The following PLXNA3 variants were observed in gnomAD, a reference collection of about 807,000 sequenced individuals.
PLXNA3 encodes plexin A3.
Under a neutral mutation model 118.8 loss-of-function variants are expected in PLXNA3, and 52 were observed. That is an observed-to-expected ratio of 0.44 (90% CI 0.35 to 0.55). The LOEUF (loss-of-function observed/expected upper bound fraction) is 0.55, where lower values mean the gene tolerates loss of function less well. Ranked by LOEUF, PLXNA3 falls within the 20% of genes least tolerant of loss-of-function variation. The probability of loss-of-function intolerance (pLI) is 0.01; values close to 1 mark genes in which losing one functional copy is unlikely to be tolerated. For synonymous variants in PLXNA3, 925 were observed against 762.4 expected, an observed-to-expected ratio of 1.21 and a Z score of -3.51; for missense variants, 1,660 against 1,730.8, an observed-to-expected ratio of 0.96 and a Z score of 0.73.
In PLXNA3 at chrX:154,461,502, G is replaced by A. The variant is rs200060299; in HGVS notation, c.998G>A (p.Arg333Gln). 1.5e-4 allele frequency: 179 copies of A among 1,210,670 alleles called. No individual in the cohort carries two copies. The highest frequency in any genetic ancestry group is 1.9e-4 in the African/African-American group (11 of 57,556). Residue 333 changes from arginine (R) to glutamine (Q), a missense_variant, in exon 3 of 33, where the codon CGG becomes CAG. Arg to Gln is a conservative substitution (Grantham distance 43). This residue lies in a region of PLXNA3 where 791 missense variants were observed against 652.1 expected (regional missense o/e 1.21). Coordinates refer to ENST00000369682, the MANE Select transcript of PLXNA3 (RefSeq NM_017514.5). ...QGQKNRASPP[R>Q]QTILCLFTLS... ...CAGAAGAACCGGGCCAGCCCACCCC[G>A]GCAGACCATCCTCTGCCTCTTCACC...
In PLXNA3 at chrX:154,469,441, G is replaced by C. The variant is rs200342725; in HGVS notation, c.4657G>C (p.Glu1553Gln). 1.0e-4 allele frequency: 121 copies of C among 1,207,990 alleles called. No homozygotes were observed. The highest frequency in any genetic ancestry group is 1.3e-4 in the Non-Finnish European group (118 of 893,444). ...GGATGAGGATGTCACCACCAAGATC[G>C]AGTGTGACTGGAAGAGGCTCAACTC... is the stretch of plus-strand genomic sequence containing the variant. ...LQDEDVTTKI[E>Q]CDWKRLNSLA... is the part of the protein sequence containing the mutation. Residue 1553 changes from glutamate (E) to glutamine (Q), a missense_variant, in exon 27 of 33, where the codon GAG becomes CAG. Transcript: ENST00000369682.
chrX:154,460,091 G>A (rs1385239470), intron 1 of PLXNA3, 66 bp from the exon 2 acceptor site: 1 of 594,007 alleles, frequency 1.7e-6, no homozygotes, highest in Non-Finnish European at 2.7e-6. Context: ...TTGGCGGGGT[G>A]GTGGGTGAAT....
At chrX:154,469,535 G>T (rs1373014687) in intron 27 of PLXNA3, 53 bp downstream of exon 27, 7 of 1,036,786 alleles carry the variant, frequency 6.8e-6, no homozygotes, top group African/African-American at 1.8e-5. Flanking sequence ...CCAGGACCCT[G>T]CCTTGAGCTG....
At position 154,460,426 on chromosome X, in the gene PLXNA3, C is replaced by G; in HGVS notation, c.243C>G (p.Pro81=). 5 of 1,203,414 alleles carry G rather than the reference C, an allele frequency of 4.2e-6. No homozygotes were observed. The highest frequency in any genetic ancestry group is 3.6e-5 in the South Asian group (2 of 55,980). ...VEDNARCYPP[P]SMRVCAHRLA... ...ACAACGCTCGCTGCTACCCGCCCCC[C>G]AGCATGCGCGTGTGTGCCCACCGCC... The change falls in exon 2 of 33, where the codon CCC becomes CCG. Residue 81 remains proline (P), a synonymous_variant. Coordinates refer to ENST00000369682, the MANE Select transcript of PLXNA3 (RefSeq NM_017514.5).
At chrX:154,463,235 C>T (rs1286287570) in intron 4 of PLXNA3, among the ~76,000 whole-genome samples, 156 bp from the exon 5 acceptor site, 3 of 110,641 alleles carry the variant, frequency 2.7e-5, no homozygotes, top group African/African-American at 9.9e-5. Flanking sequence ...GGCGTCTGCA[C>T]CCTCCTTTTT....
Position 154,464,743 on chromosome X carries a change from T to C in PLXNA3, c.1929-11T>C, listed in dbSNP as rs1557206340. The C allele has an allele frequency of 4.5e-6, 5 of 1,113,222 alleles. No individual in the cohort carries two copies. The highest frequency in any genetic ancestry group is 2.0e-5 in the South Asian group (1 of 49,152). 91.7% of individuals were successfully genotyped at this position (1,113,222 alleles called of 1,213,427 possible). A position where few individuals can be genotyped will look rare whatever the true frequency, so the allele number is the denominator to read the frequency against. On this transcript the variant is annotated splice_polypyrimidine_tract_variant and intron_variant, in intron 9 of 32. Coordinates refer to ENST00000369682, the MANE Select transcript of PLXNA3 (RefSeq NM_017514.5). ...CCTCCTCTGTTATTTCTGAAGCCACTTCCCCCCCAGGTGCATGTCCTGTGT... is the reference window on the plus strand; with the variant it reads ...CCTCCTCTGTTATTTCTGAAGCCACCTCCCCCCCAGGTGCATGTCCTGTGT...
chrX:154,466,781 G>A lies in PLXNA3; in HGVS notation c.3095G>A (p.Trp1032Ter). The A allele has an allele frequency of 8.5e-7, 1 of 1,183,308 alleles. No homozygotes were observed. The highest frequency in any genetic ancestry group is 1.1e-6 in the Non-Finnish European group (1 of 880,785). ...DPTVTRLEPTWSIINGSTAIT... is the reference protein window; with the variant it reads ...DPTVTRLEPT ...ACCGTCACCCGCCTTGAGCCCACCTGGAGCATCATCAAGTAAGACCCTGGG... is the reference window on the plus strand; with the variant it reads ...ACCGTCACCCGCCTTGAGCCCACCTAGAGCATCATCAAGTAAGACCCTGGG... The change falls in exon 17 of 33, where the codon TGG becomes TAG. Residue 1032 changes from tryptophan (W) to a stop codon, truncating the protein, a stop_gained. Transcript: ENST00000369682. LOFTEE classifies it high-confidence loss of function.
At chrX:154,464,358 TC>T (rs1569554398) in intron 8 of PLXNA3, 43 bp from the exon 9 acceptor site, 1 of 1,201,407 alleles carries the variant, frequency 8.3e-7, no homozygotes, top group Non-Finnish European at 1.1e-6. Context: ...GTGGGGCCTC[TC>T]CCTACCCCCA....
In PLXNA3 at chrX:154,464,237, G is replaced by A. The variant is rs140476523; in HGVS notation, c.1752G>A (p.Ala584=). The A allele has an allele frequency of 3.1e-5, 37 of 1,207,193 alleles. No homozygotes were observed. Among genetic ancestry groups the A allele is most frequent in the South Asian group, 2.5e-4 (14 of 56,669 alleles). Residue 584 remains alanine (A), a synonymous_variant, in exon 8 of 33, where the codon GCG becomes GCA. Coordinates refer to ENST00000369682, the MANE Select transcript of PLXNA3 (RefSeq NM_017514.5). Reference sequence around the variant, plus strand: ...TCGAGGCGGCGGCGGAGAACGAGGCGGTCCTGCTGCCCTCCGGTGAACTGC... The same window carrying A: ...TCGAGGCGGCGGCGGAGAACGAGGCAGTCCTGCTGCCCTCCGGTGAACTGC... The part of the protein sequence containing the change: ...CAFEAAAENE[A]VLLPSGELLC...
chrX:154,471,516 T>A lies in PLXNA3; in HGVS notation c.5398T>A (p.Ser1800Thr), dbSNP rs994038059. The A allele has an allele frequency of 1.1e-5, 13 of 1,206,490 alleles. No homozygotes were observed. The highest frequency in any genetic ancestry group is 1.3e-5 in the Non-Finnish European group (12 of 891,559). ...TTATCGAGACATTGCAAAGATGGCA[T>A]CCATCAGCGACCAGGACATGGATGC... is the stretch of plus-strand genomic sequence containing the variant. ...RYYRDIAKMA[S>T]ISDQDMDAYL... Residue 1800 changes from serine (S) to threonine (T), a missense_variant, in exon 32 of 33, where the codon TCC (serine) becomes ACC (threonine). Ser to Thr is a moderately conservative substitution (Grantham distance 58). This residue lies in a region of PLXNA3 where 869 missense variants were observed against 1,078.7 expected (regional missense o/e 0.81). Coordinates refer to ENST00000369682, the MANE Select transcript of PLXNA3 (RefSeq NM_017514.5).
chrX:154,464,659 C>T, intron 9 of PLXNA3, 95 bp from the exon 10 acceptor site: 8 of 715,438 alleles, frequency 1.1e-5, no homozygotes, highest in Non-Finnish European at 1.7e-5. Context: ...CCTGATATGG[C>T]TGCCTTCTTC....
rs781927483 is a variant in PLXNA3 at position 154,467,165 on chromosome X, C to T, written c.3201+15C>T. On this transcript the variant is annotated intron_variant, in intron 18 of 32. Coordinates refer to ENST00000369682, the MANE Select transcript of PLXNA3 (RefSeq NM_017514.5). ...AGACCACCAATGTGAGTACCAGCTGCCCCGCCCCACCCCGACCCTGCAGCC... is the reference window on the plus strand; with the variant it reads ...AGACCACCAATGTGAGTACCAGCTGTCCCGCCCCACCCCGACCCTGCAGCC... The T allele has an allele frequency of 2.5e-6, 3 of 1,204,615 alleles. No homozygotes were observed. Among genetic ancestry groups the T allele is most frequent in the Non-Finnish European group, 3.4e-6 (3 of 890,901 alleles).
rs782243920 is a variant in PLXNA3, at chrX:154,465,042, G to A, written c.2068G>A (p.Gly690Arg). 1.7e-6 allele frequency: 2 copies of A among 1,207,731 alleles called. No individual in the cohort carries two copies. The highest frequency in any genetic ancestry group is 3.5e-5 in the South Asian group (2 of 56,385). ...GGGCTGCCCTGAGATCCTGCCCAGT[G>A]GGGACCTCCTGATCCCCGTTGGGGT... ...PEGCPEILPS[G>R]DLLIPVGVMQ... Residue 690 changes from glycine (G) to arginine (R), a missense_variant, in exon 11 of 33, where the codon GGG (glycine) becomes AGG (arginine). Transcript: ENST00000369682.
At chrX:154,460,048 C>T in intron 1 of PLXNA3, 109 bp from the exon 2 acceptor site, 1 of 467,101 alleles carries the variant, frequency 2.1e-6, no homozygotes, top group South Asian at 3.2e-5. Context: ...GGAGGCCCCT[C>T]CTCTCTCCCT....
In PLXNA3 at chrX:154,468,462, C is replaced by A. The variant is rs199905351; in HGVS notation, c.4123C>A (p.Arg1375=). Residue 1375 remains arginine (R), a synonymous_variant, in exon 23 of 33, where the codon CGG becomes AGG. Transcript: ENST00000369682. ...ASLTMVALQS[R]LDYATGLLKQ... ...GCTCACCATGGTGGCCCTGCAGAGCCGGCTCGACTATGCCACGGGGCTGCT... is the reference window on the plus strand; with the variant it reads ...GCTCACCATGGTGGCCCTGCAGAGCAGGCTCGACTATGCCACGGGGCTGCT... The A allele has an allele frequency of 6.3e-4, 760 of 1,210,276 alleles. No individual in the cohort carries two copies. Among genetic ancestry groups the A allele is most frequent in the Non-Finnish European group, 8.1e-4 (722 of 895,351 alleles).
intron 3 of PLXNA3, 47 bp from the exon 4 acceptor site, chrX:154,462,081 G>C (rs907752394): frequency 6.5e-6 from 7 of 1,075,024 alleles, no homozygotes; most frequent in African/African-American, 1.9e-5. Context: ...CCTCCATCTT[G>C]CGCCTGGGAG....
rs1297067467 is a variant in PLXNA3 at position 154,474,813 on chromosome X, G to A, written c.*2128G>A. ...TTTTTTTTTTTTTTTTTTTGGAGAC[G>A]GGATCTTGCCCTGTTGCCCACGCTG... On this transcript the variant is annotated 3_prime_UTR_variant, in exon 33 of 33. Coordinates refer to ENST00000369682, the MANE Select transcript of PLXNA3 (RefSeq NM_017514.5). The A allele has an allele frequency of 1.4e-4, 12 of 84,677 alleles. No individual in the cohort carries two copies. Among genetic ancestry groups the A allele is most frequent in the African/African-American group, 2.3e-4 (5 of 21,763 alleles). 7.0% of individuals were successfully genotyped at this position (84,677 alleles called of 1,213,427 possible).
chrX:154,464,882 C>T lies in PLXNA3; in HGVS notation c.2043+14C>T, dbSNP rs2069051013. ...CACAGCCCTGAGGTGAGGCGGGCGC[C>T]GCATGTGAGGGGCTGGGCTCTGTGG... is the stretch of plus-strand genomic sequence containing the variant. On this transcript the variant is annotated intron_variant, in intron 10 of 32. Transcript: ENST00000369682. 1.8e-5 allele frequency: 21 copies of T among 1,142,534 alleles called. No individual in the cohort carries two copies. Among genetic ancestry groups the T allele is most frequent in the Middle Eastern group, 2.5e-4 (1 of 3,991 alleles). 94.2% of individuals were successfully genotyped at this position (1,142,534 alleles called of 1,213,427 possible).
Position 154,470,628 on chromosome X carries a change from G to A in PLXNA3, c.5156+17G>A. On this transcript the variant is annotated intron_variant, in intron 30 of 32. Transcript: ENST00000369682. The stretch of plus-strand genomic sequence containing the variant: ...GAGCAACTGGTATCACCCCGTGCTG[G>A]GCTGCCAGCAGCCTGTCTGGAGACT... 8.3e-7 allele frequency: 1 copy of A among 1,202,606 alleles called. No individual in the cohort carries two copies. The highest frequency in any genetic ancestry group is 2.3e-4 in the Middle Eastern group (1 of 4,317).
Sources: gnomAD v4.1 joint callset for allele counts (sites outside exome capture counted in the v4.1 genomes callset) on GRCh38, gnomAD v4.1.1 for gene constraint, gnomAD v4.1.1 regional missense constraint, MANE v1.5 for transcripts, NCBI Gene and HGNC (gene_info 2026-07-23, HGNC 2026-07-21) for gene names.